The following RAB7A variants were observed in gnomAD, a reference collection of about 807,000 sequenced individuals.
RAB7A encodes the protein RAB7A, member RAS oncogene family.
A neutral mutation model predicts 24.5 loss-of-function variants in RAB7A; 2 were observed. The ratio of observed to expected loss-of-function variants is 0.08; its 90% confidence interval spans 0.03 to 0.26. The LOEUF (loss-of-function observed/expected upper bound fraction) is 0.26. Among genes scored for constraint, RAB7A ranks in the 10% least tolerant of loss-of-function variants. RAB7A has a pLI of 1.00. For missense variants in RAB7A, 118 were observed against 255.7 expected (o/e 0.46, Z 3.67); for synonymous variants, 100 against 95.9 (o/e 1.04, Z -0.25).
chr3:128,787,604 T>C (rs960559144), intron 1 of RAB7A, among the ~76,000 whole-genome samples: 9 of 152,236 alleles, frequency 5.9e-5, no homozygotes, highest in Non-Finnish European at 1.2e-4. Flanking sequence ...CATTTTACAC[T>C]GTTGTTTTGA....
At chr3:128,758,421 C>G (rs1432460076) in intron 1 of RAB7A, among the ~76,000 whole-genome samples, 1 of 151,482 alleles carries the variant, frequency 6.6e-6, no homozygotes, top group Non-Finnish European at 1.5e-5. Flanking sequence ...TACAGGCGCC[C>G]GCCACTACGC....
intron 1 of RAB7A, among the ~76,000 whole-genome samples, chr3:128,758,511 G>A (rs998819402): frequency 3.3e-5 from 5 of 151,886 alleles, no homozygotes; most frequent in Middle Eastern, 3.4e-3. Context: ...TCCTGACCTC[G>A]TGATCCGCCC....
At chr3:128,795,212 T>C (rs1933540528) in intron 1 of RAB7A, 148 bp from the exon 2 acceptor site, 2 of 731,176 alleles carry the variant, frequency 2.7e-6, no homozygotes, top group Admixed American at 2.0e-5. Flanking sequence ...TACTGTTTTT[T>C]ATCAGTGCCC....
chr3:128,733,589 C>T (rs62272574), intron 1 of RAB7A, among the ~76,000 whole-genome samples: 7,381 of 152,142 alleles, frequency 0.049, 322 homozygotes, highest in South Asian at 0.13. Context: ...TCTTCTGAAG[C>T]CTCTCCTTGG....
chr3:128,773,248 C>T (rs1422166872), intron 1 of RAB7A, among the ~76,000 whole-genome samples: 2 of 151,972 alleles, frequency 1.3e-5, no homozygotes, highest in Non-Finnish European at 2.9e-5. Context: ...GGCAGCCGCC[C>T]CATCTGAGAA....
intron 2 of RAB7A, among the ~76,000 whole-genome samples, chr3:128,796,271 T>C (rs1363183652): frequency 6.6e-6 from 1 of 152,030 alleles, no homozygotes; most frequent in Non-Finnish European, 1.5e-5. Flanking sequence ...GAGGATTGCT[T>C]GAGCCCAGGA....
chr3:128,793,753 C>T (rs1221569828), intron 1 of RAB7A, among the ~76,000 whole-genome samples: 2 of 152,204 alleles, frequency 1.3e-5, no homozygotes, highest in Non-Finnish European at 2.9e-5. Flanking sequence ...AACTCCAAGT[C>T]ATCTTATACT....
At chr3:128,764,918 C>T (rs752232371) in intron 1 of RAB7A, 201 of 1,580,952 alleles carry the variant, frequency 1.3e-4, no homozygotes, top group Non-Finnish European at 1.6e-4. Flanking sequence ...GACAGGTAAA[C>T]GTAGGAGGCG....
At chr3:128,730,497 G>A (rs915263026) in intron 1 of RAB7A, among the ~76,000 whole-genome samples, 16 of 152,176 alleles carry the variant, frequency 1.1e-4, no homozygotes, top group African/African-American at 3.6e-4. Flanking sequence ...CAAAGTGCTG[G>A]AATTACAGGC....
intron 1 of RAB7A, among the ~76,000 whole-genome samples, chr3:128,740,509 T>G (rs1296505147): frequency 7.9e-5 from 12 of 152,222 alleles, no homozygotes. Context: ...AGTTTGAGAA[T>G]TTCATTTATA....
intron 1 of RAB7A, among the ~76,000 whole-genome samples, chr3:128,740,293 A>C (rs2070537735): frequency 6.6e-6 from 1 of 151,922 alleles, no homozygotes; most frequent in Admixed American, 6.6e-5. Context: ...AGGCAGGAGA[A>C]TCGCTTGAAC....
At chr3:128,784,648 A>C (rs1301355592) in intron 1 of RAB7A, among the ~76,000 whole-genome samples, 4 of 152,076 alleles carry the variant, frequency 2.6e-5, no homozygotes, top group African/African-American at 9.7e-5. Flanking sequence ...TCCCCCTCCA[A>C]GTAAGGCCTT....
At chr3:128,750,442 A>G (rs575412829) in intron 1 of RAB7A, among the ~76,000 whole-genome samples, 9 of 152,170 alleles carry the variant, frequency 5.9e-5, no homozygotes, top group Non-Finnish European at 1.3e-4. Context: ...TTGTATTTTT[A>G]GTAGAGACGG....
chr3:128,772,799 C>T (rs1932983989), intron 1 of RAB7A, among the ~76,000 whole-genome samples: 1 of 152,258 alleles, frequency 6.6e-6, no homozygotes, highest in Non-Finnish European at 1.5e-5. Flanking sequence ...GCTGTGTTGG[C>T]CGGGCTGGTC....
intron 1 of RAB7A, chr3:128,748,536 C>G (rs1368073931): frequency 6.6e-6 from 1 of 152,236 alleles, no homozygotes; most frequent in East Asian, 1.9e-4. Context: ...CCTCCAGTTT[C>G]CTATACACCA....
At chr3:128,747,511 AGGAGGC>A (rs2107589427) in intron 1 of RAB7A, among the ~76,000 whole-genome samples, 1 of 151,454 alleles carries the variant, frequency 6.6e-6, no homozygotes, top group South Asian at 2.1e-4. Flanking sequence ...GCTTGAACCC[AGGAGGC>A]GGAGGTTGCA....
intron 1 of RAB7A, among the ~76,000 whole-genome samples, chr3:128,745,654 C>T (rs778073226): frequency 1.3e-5 from 2 of 152,252 alleles, no homozygotes; most frequent in Non-Finnish European, 2.9e-5. Flanking sequence ...GCCTGAGCCA[C>T]CAGGCCCGGG....
At chr3:128,781,883 C>T (rs1041115391) in intron 1 of RAB7A, among the ~76,000 whole-genome samples, 2 of 152,072 alleles carry the variant, frequency 1.3e-5, no homozygotes, top group South Asian at 2.1e-4. Flanking sequence ...TGCGGTGGCA[C>T]GTGCCTGTAA....
intron 1 of RAB7A, among the ~76,000 whole-genome samples, chr3:128,783,427 C>G (rs1266737621): frequency 6.6e-6 from 1 of 152,012 alleles, no homozygotes; most frequent in African/African-American, 2.4e-5. Context: ...GATGAGCAGG[C>G]TCCTGGGCAG....
Sources: gnomAD v4.1 joint callset for allele counts (sites outside exome capture counted in the v4.1 genomes callset) on GRCh38, gnomAD v4.1.1 for gene constraint, MANE v1.5 for transcripts, NCBI Gene and HGNC (gene_info 2026-07-23, HGNC 2026-07-21) for gene names.